PRR16: variants seen among roughly 807,000 people sequenced by gnomAD.
The protein encoded by PRR16 is proline rich 16.
A neutral mutation model predicts 18.2 loss-of-function variants in PRR16; 6 were observed. The ratio of observed to expected loss-of-function variants is 0.33; its 90% CI spans 0.18 to 0.65. The LOEUF is 0.65. Among genes scored for constraint, PRR16 ranks in the 30% least tolerant of loss-of-function variants. The pLI, the probability that PRR16 is intolerant of heterozygous loss-of-function variation, is 0.74. For missense variants in PRR16, 412 were observed against 376.6 expected, an observed-to-expected ratio of 1.09 and a Z score of -0.78; for synonymous variants, 151 against 147.8, an observed-to-expected ratio of 1.02 and a Z score of -0.16.
chr5:120,521,073 G>A (rs1751164211), intron 1 of PRR16, among the ~76,000 whole-genome samples: 1 of 152,048 alleles, frequency 6.6e-6, no homozygotes, highest in African/African-American at 2.4e-5. Flanking sequence ...AATTCTAGTG[G>A]AATCTCTAAA....
intron 1 of PRR16, among the ~76,000 whole-genome samples, chr5:120,490,567 A>G (rs1300322363): frequency 6.6e-6 from 1 of 151,988 alleles, no homozygotes; most frequent in Non-Finnish European, 1.5e-5. Context: ...TCTTTTTTCA[A>G]GGTATTTAAC....
At chr5:120,616,297 C>T (rs188690410) in intron 1 of PRR16, among the ~76,000 whole-genome samples, 24 of 152,288 alleles carry the variant, frequency 1.6e-4, no homozygotes, top group African/African-American at 5.5e-4. Flanking sequence ...AATGAGGGGC[C>T]ACACATTCCG....
At chr5:120,741,858 C>T in the PRR16 span, among the ~76,000 whole-genome samples, 3 of 152,180 alleles carry the variant, frequency 2.0e-5, no homozygotes, top group Non-Finnish European at 4.4e-5. Flanking sequence ...GCCGCAGCCT[C>T]CCAACGTGCT....
At chr5:120,743,402 T>G in the PRR16 span, among the ~76,000 whole-genome samples, 1 of 152,044 alleles carries the variant, frequency 6.6e-6, no homozygotes, top group African/African-American at 2.4e-5. Context: ...TGTTTGAAGG[T>G]GTGGGCTGTA....
intron 1 of PRR16, among the ~76,000 whole-genome samples, chr5:120,685,075 T>C (rs535414818): frequency 2.2e-3 from 332 of 152,336 alleles, no homozygotes; most frequent in Non-Finnish European, 3.2e-3. Flanking sequence ...CTTTTGCTTC[T>C]ACCCTCTCTC....
the PRR16 span, among the ~76,000 whole-genome samples, chr5:120,701,631 G>A: frequency 7.1e-6 from 1 of 141,528 alleles, no homozygotes; most frequent in Non-Finnish European, 1.6e-5. Flanking sequence ...GATCTAGCTC[G>A]GCCTGGCAAG....
intron 1 of PRR16, among the ~76,000 whole-genome samples, chr5:120,611,532 G>T (rs1182719912): frequency 2.6e-5 from 4 of 152,168 alleles, no homozygotes; most frequent in South Asian, 2.1e-4. Flanking sequence ...TGCCAGCCTT[G>T]GTTGAAAGGG....
At chr5:120,524,579 A>G (rs1751291744) in intron 1 of PRR16, among the ~76,000 whole-genome samples, 1 of 152,120 alleles carries the variant, frequency 6.6e-6, no homozygotes, top group South Asian at 2.1e-4. Context: ...TGGGTACAAC[A>G]TAGAGTTACA....
intron 1 of PRR16, chr5:120,465,667 C>G (rs950382774): frequency 2.0e-5 from 3 of 151,994 alleles, no homozygotes; most frequent in African/African-American, 7.3e-5. Context: ...TAGCAGAGTC[C>G]CAGCGCGCCG....
intron 1 of PRR16, among the ~76,000 whole-genome samples, chr5:120,582,469 A>G (rs865777314): frequency 7.9e-5 from 12 of 152,176 alleles, no homozygotes; most frequent in Middle Eastern, 3.4e-3. Context: ...ATTAAAATTT[A>G]TATACTCTTA....
At chr5:120,786,128 T>TA in the PRR16 span, among the ~76,000 whole-genome samples, 1 of 151,792 alleles carries the variant, frequency 6.6e-6, no homozygotes, top group Non-Finnish European at 1.5e-5. Flanking sequence ...GCATACCTGT[T>TA]ATGTTGAATT....
At chr5:120,672,307 C>T (rs1159985361) in intron 1 of PRR16, among the ~76,000 whole-genome samples, 1 of 134,788 alleles carries the variant, frequency 7.4e-6, no homozygotes, top group Non-Finnish European at 1.6e-5. Context: ...AGGAACTAGT[C>T]CTAAGTAGAG....
At chr5:120,512,654 G>C (rs1359180440) in intron 1 of PRR16, among the ~76,000 whole-genome samples, 1 of 152,104 alleles carries the variant, frequency 6.6e-6, no homozygotes, top group African/African-American at 2.4e-5. Flanking sequence ...TGCTTGTCTA[G>C]GATATTCAGT....
At chr5:120,755,605 A>T in the PRR16 span, among the ~76,000 whole-genome samples, 14 of 152,042 alleles carry the variant, frequency 9.2e-5, no homozygotes, top group Non-Finnish European at 1.6e-4. Context: ...GTGTATATGT[A>T]CCATATTTTC....
At chr5:120,709,722 T>G in the PRR16 span, among the ~76,000 whole-genome samples, 1 of 152,150 alleles carries the variant, frequency 6.6e-6, no homozygotes, top group East Asian at 1.9e-4. Flanking sequence ...CACATATGAG[T>G]GAGAACATAG....
the PRR16 span, among the ~76,000 whole-genome samples, chr5:120,745,416 T>A: frequency 6.6e-6 from 1 of 152,172 alleles, no homozygotes; most frequent in Admixed American, 6.6e-5. Flanking sequence ...CCACTCTTTC[T>A]CATTATGCTC....
At chr5:120,791,378 ATTATAG>A in the PRR16 span, among the ~76,000 whole-genome samples, 3 of 152,082 alleles carry the variant, frequency 2.0e-5, no homozygotes, top group African/African-American at 2.4e-5. Flanking sequence ...CTATTTTAAC[ATTATAG>A]TTATAACTAT....
the PRR16 span, among the ~76,000 whole-genome samples, chr5:120,725,514 C>T: frequency 1.3e-5 from 2 of 152,002 alleles, no homozygotes. Flanking sequence ...AACACACACA[C>T]ACCCACACTC....
At chr5:120,711,551 A>T in the PRR16 span, among the ~76,000 whole-genome samples, 1 of 152,214 alleles carries the variant, frequency 6.6e-6, no homozygotes, top group African/African-American at 2.4e-5. Context: ...CAGCAGAAGG[A>T]TATTAATCAG....
Sources: gnomAD v4.1 joint callset for allele counts (sites outside exome capture counted in the v4.1 genomes callset) on GRCh38, gnomAD v4.1.1 for gene constraint, MANE v1.5 for transcripts, NCBI Gene and HGNC (gene_info 2026-07-23, HGNC 2026-07-21) for gene names.